The following ZNF704 variants were observed in gnomAD, a reference collection of about 807,000 sequenced individuals.
The protein encoded by ZNF704 is zinc finger protein 704.
In ZNF704, 10 loss-of-function variants were observed where a neutral mutation model predicts 44.7. The ratio of observed to expected loss-of-function variants is 0.22; its 90% confidence interval spans 0.14 to 0.38. The LOEUF is 0.38. ZNF704 is among the 10% of genes least tolerant of loss of function. ZNF704 has a pLI of 1.00. For synonymous variants in ZNF704, 211 were observed against 207.6 expected (o/e 1.02, Z -0.14); for missense variants, 390 against 545.5 (o/e 0.71, Z 2.84).
At chr8:80,709,025 G>C (rs906608499) in intron 2 of ZNF704, among the ~76,000 whole-genome samples, 6 of 152,110 alleles carry the variant, frequency 3.9e-5, no homozygotes, top group African/African-American at 1.4e-4. Flanking sequence ...AGAGAAAAAA[G>C]TGTTTTCAAT....
chr8:80,668,979 A>G (rs763472736), intron 5 of ZNF704, among the ~76,000 whole-genome samples: 5 of 152,196 alleles, frequency 3.3e-5, no homozygotes, highest in Non-Finnish European at 5.9e-5. Flanking sequence ...ATAATTCACC[A>G]GGGAAATTCT....
intron 7 of ZNF704, chr8:80,644,807 G>C (rs1047546377): frequency 3.1e-6 from 2 of 635,770 alleles, no homozygotes; most frequent in African/African-American, 1.8e-5. Context: ...CATTCAAACA[G>C]TGTATTGAAC....
At chr8:80,738,548 A>T (rs1213727371) in intron 2 of ZNF704, among the ~76,000 whole-genome samples, 2 of 151,426 alleles carry the variant, frequency 1.3e-5, no homozygotes, top group African/African-American at 4.9e-5. Context: ...GGCATTTGAC[A>T]TGAGGTTGGT....
chr8:80,760,481 C>A (rs913350149), intron 2 of ZNF704, among the ~76,000 whole-genome samples: 7 of 151,860 alleles, frequency 4.6e-5, no homozygotes, highest in African/African-American at 1.7e-4. Context: ...CATGGTGAAA[C>A]CCTGTCTCTA....
chr8:80,641,978 T>C (rs930393385), intron 8 of ZNF704, among the ~76,000 whole-genome samples: 2 of 152,244 alleles, frequency 1.3e-5, no homozygotes, highest in Non-Finnish European at 2.9e-5. Context: ...GGCATCTTCA[T>C]AAAACTGAAT....
chr8:80,695,788 G>A (rs1818715573), intron 2 of ZNF704, among the ~76,000 whole-genome samples: 2 of 152,078 alleles, frequency 1.3e-5, no homozygotes, highest in South Asian at 4.2e-4. Context: ...GCATCATAAA[G>A]AGATTTACAA....
At chr8:80,821,075 A>G (rs1002900244) in intron 2 of ZNF704, among the ~76,000 whole-genome samples, 1 of 152,258 alleles carries the variant, frequency 6.6e-6, no homozygotes, top group Non-Finnish European at 1.5e-5. Flanking sequence ...TCAGTCCTCT[A>G]TATGATGTTT....
intron 2 of ZNF704, among the ~76,000 whole-genome samples, chr8:80,737,544 T>C (rs1806687227): frequency 6.6e-6 from 1 of 152,222 alleles, no homozygotes; most frequent in African/African-American, 2.4e-5. Flanking sequence ...GGAATTTACA[T>C]ATTATCAATT....
intron 2 of ZNF704, among the ~76,000 whole-genome samples, chr8:80,814,877 C>T (rs1808150469): frequency 6.6e-6 from 1 of 152,134 alleles, no homozygotes; most frequent in South Asian, 2.1e-4. Flanking sequence ...TAAAAGATAC[C>T]ATTTTTGTCT....
chr8:80,664,398 A>G (rs1022308486), intron 6 of ZNF704, among the ~76,000 whole-genome samples: 2 of 150,900 alleles, frequency 1.3e-5, no homozygotes, highest in African/African-American at 4.9e-5. Context: ...CAGCCTCCTC[A>G]GTAGCTGGGA....
chr8:80,632,609 G>A lies in ZNF704; in HGVS notation c.*8757C>T, dbSNP rs1157143478. On this transcript the variant is annotated 3_prime_UTR_variant, in exon 9 of 9. Coordinates refer to ENST00000327835, the MANE Select transcript of ZNF704 (RefSeq NM_001033723.3). ...TTTTCATGATATAAATAAATCAAGG[G>A]GATCTTCTCTTTAGAAGTTGGTAGT... 1.3e-5 allele frequency: 2 copies of A among 152,160 alleles called. No individual in the cohort carries two copies. Among genetic ancestry groups the A allele is most frequent in the African/African-American group, 4.8e-5 (2 of 41,434 alleles). The allele number at this position is 152,160 out of a possible 1,614,324, so 9.4% of individuals were successfully genotyped here.
chr8:80,875,710 G>T (rs1403181601), upstream of ZNF704, among the ~76,000 whole-genome samples: 2 of 152,222 alleles, frequency 1.3e-5, no homozygotes, highest in African/African-American at 4.8e-5. Context: ...CCTCCGTGGG[G>T]CCAGAATAAA....
intron 2 of ZNF704, among the ~76,000 whole-genome samples, chr8:80,712,461 A>C (rs1819002005): frequency 6.6e-6 from 1 of 152,208 alleles, no homozygotes; most frequent in Admixed American, 6.5e-5. Context: ...TTTCATAGAG[A>C]ACCAGTTTAG....
intron 2 of ZNF704, among the ~76,000 whole-genome samples, chr8:80,789,722 A>T (rs1330398293): frequency 6.6e-6 from 1 of 152,128 alleles, no homozygotes; most frequent in Non-Finnish European, 1.5e-5. Context: ...AGCCTGGGTG[A>T]CAGAGTCAGA....
At chr8:80,794,040 C>CAGACATCTG (rs990351782) in intron 2 of ZNF704, among the ~76,000 whole-genome samples, 10 of 152,150 alleles carry the variant, frequency 6.6e-5, no homozygotes, top group Admixed American at 4.6e-4. Flanking sequence ...CATCATTGTA[C>CAGACATCTG]AGACATCTGA....
rs966633339 is a variant in ZNF704 at position 80,633,164 on chromosome 8, G to A, written c.*8202C>T. Reference sequence around the variant, plus strand: ...ACATGACTTAACCATATTACCAGGCGTTTCCAACTCTGAGTTTACAGTATG... The same window carrying A: ...ACATGACTTAACCATATTACCAGGCATTTCCAACTCTGAGTTTACAGTATG... On this transcript the variant is annotated 3_prime_UTR_variant, in exon 9 of 9. Coordinates refer to ENST00000327835, the MANE Select transcript of ZNF704 (RefSeq NM_001033723.3). 1.2e-4 allele frequency: 19 copies of A among 152,232 alleles called. No individual in the cohort carries two copies. The highest frequency in any genetic ancestry group is 9.6e-4 in the East Asian group (5 of 5,182). The allele number at this position is 152,232 out of a possible 1,614,324, so 9.4% of individuals were successfully genotyped here.
intron 4 of ZNF704, among the ~76,000 whole-genome samples, chr8:80,672,454 A>G (rs1818297347): frequency 6.6e-6 from 1 of 152,226 alleles, no homozygotes; most frequent in African/African-American, 2.4e-5. Flanking sequence ...TCTACCAAAA[A>G]GACCCATGTA....
intron 1 of ZNF704, among the ~76,000 whole-genome samples, chr8:80,853,813 T>G (rs1242098646): frequency 6.6e-6 from 1 of 151,952 alleles, no homozygotes; most frequent in African/African-American, 2.4e-5. Context: ...ATGGAGAAAA[T>G]GAGAAGCAAT....
intron 2 of ZNF704, among the ~76,000 whole-genome samples, chr8:80,740,515 A>C (rs1806739273): frequency 6.6e-6 from 1 of 152,176 alleles, no homozygotes; most frequent in Non-Finnish European, 1.5e-5. Context: ...TAGCTCCTGC[A>C]ATACTCCAAT....
Sources: allele counts gnomAD v4.1 joint callset (sites outside exome capture counted in the v4.1 genomes callset), GRCh38; gene constraint gnomAD v4.1.1; transcripts MANE v1.5; gene names NCBI Gene and HGNC (gene_info 2026-07-23, HGNC 2026-07-21).